The following RGS12 variants were observed in gnomAD, a reference collection of about 807,000 sequenced individuals.
RGS12 encodes regulator of G-protein signaling 12.
In RGS12, 66 loss-of-function variants were observed where a neutral mutation model predicts 120.1. The ratio of observed to expected loss-of-function variants is 0.55; its 90% CI spans 0.45 to 0.67. The LOEUF is 0.67. RGS12 is among the 30% of genes least tolerant of loss of function. The pLI is 0.00. For missense variants in RGS12, 1,859 were observed against 1,957.7 expected (o/e 0.95, Z 0.95); for synonymous variants, 827 against 804.7 (o/e 1.03, Z -0.47).
intron 6 of RGS12, 95 bp downstream of exon 6, chr4:3,414,939 C>T (rs1722183829): frequency 2.6e-6 from 2 of 764,280 alleles, no homozygotes; most frequent in Non-Finnish European, 4.2e-6. Flanking sequence ...GTGTGAGGGG[C>T]ATGTGAGGGG....
At chr4:3,382,192 T>A (rs975131816) in intron 3 of RGS12, among the ~76,000 whole-genome samples, 1 of 152,250 alleles carries the variant, frequency 6.6e-6, no homozygotes, top group African/African-American at 2.4e-5. Flanking sequence ...TACCATGATA[T>A]CATTTTGCAT....
intron 2 of RGS12, among the ~76,000 whole-genome samples, chr4:3,323,507 C>T (rs996889096): frequency 5.3e-5 from 8 of 152,310 alleles, no homozygotes; most frequent in African/African-American, 1.9e-4. Context: ...ATGTGACATA[C>T]TGCTGTGAGT....
chr4:3,405,013 A>G (rs1720959434), intron 4 of RGS12, among the ~76,000 whole-genome samples: 1 of 152,268 alleles, frequency 6.6e-6, no homozygotes, highest in South Asian at 2.1e-4. Context: ...CCAAAAAAGA[A>G]AGGTGTTCAT....
Position 3,422,945 on chromosome 4 carries a change from G to C in RGS12, c.3074G>C (p.Arg1025Thr). 2 of 1,613,350 alleles carry C rather than the reference G, an allele frequency of 1.2e-6. No individual in the cohort carries two copies. Among genetic ancestry groups the C allele is most frequent in the Non-Finnish European group, 1.7e-6 (2 of 1,179,986 alleles). ...CAAGACAGTAGCATCTTGGAGTCAA[G>C]GGACCTGCGCCTAGAAAAGCGCACC... ...LHQDSSILES[R>T]DLRLEKRTLF... Residue 1025 changes from arginine to threonine, a missense_variant, in exon 12 of 18, where the codon AGG becomes ACG. By Grantham distance (71) the Arg-to-Thr change is moderately conservative. This residue lies in a region of RGS12 where 375 missense variants were observed against 475.0 expected (regional missense o/e 0.79). Transcript: ENST00000336727.
chr4:3,339,318 C>CA (rs1299352557), intron 2 of RGS12, among the ~76,000 whole-genome samples: 1 of 152,110 alleles, frequency 6.6e-6, no homozygotes. Flanking sequence ...CCAGTCTCTA[C>CA]AAAAAATACA....
At chr4:3,422,637 T>G (rs932313329) in intron 11 of RGS12, 67 bp downstream of exon 11, 137 of 1,513,126 alleles carry the variant, frequency 9.1e-5, no homozygotes, top group Non-Finnish European at 1.2e-4. Context: ...GGCCCCCAGC[T>G]TTGTCAGAGT....
At position 3,422,964 on chromosome 4, in the gene RGS12, G is replaced by A. The variant is rs1029228397; in HGVS notation, c.3093G>A (p.Lys1031=). Residue 1031 remains lysine, a synonymous_variant, in exon 12 of 18, where the codon AAG becomes AAA. Transcript: ENST00000336727. ...ILESRDLRLE[K]RTLFRLDLVP... is the part of the protein sequence containing the mutation. ...AGTCAAGGGACCTGCGCCTAGAAAA[G>A]CGCACCTTGTTTCGGTAAGAGGAAG... 1.2e-6 allele frequency: 2 copies of A among 1,613,194 alleles called. No individual in the cohort carries two copies. Among genetic ancestry groups the A allele is most frequent in the South Asian group, 1.1e-5 (1 of 91,082 alleles).
Position 3,428,094 on chromosome 4 carries a change from C to T in RGS12, c.3336C>T (p.Ser1112=), listed in dbSNP as rs145782949. 8.2e-5 allele frequency: 133 copies of T among 1,613,008 alleles called. No individual in the cohort carries two copies. The African/African-American group carries it at 1.4e-3, about 17-fold the overall frequency. ...EEKDPSRGKA[S]ADKQKGVPVK... is the part of the protein sequence containing the mutation. ...ATAAAGCTTTCTTATGTTTAGCATC[C>T]GCAGATAAACAGAAAGGTGTGCCAG... Residue 1112 remains serine (S), a synonymous_variant, in exon 15 of 18, where the codon TCC becomes TCT. Transcript: ENST00000336727.
chr4:3,383,773 G>A (rs972191158), intron 3 of RGS12, among the ~76,000 whole-genome samples: 3 of 152,176 alleles, frequency 2.0e-5, no homozygotes, highest in Non-Finnish European at 2.9e-5. Flanking sequence ...CGTGCCCGCA[G>A]CCTGTGCCCA....
In RGS12 at chr4:3,317,155, G is replaced by A. The variant is rs1724829947; in HGVS notation, c.985G>A (p.Glu329Lys). 3 of 1,613,196 alleles carry A rather than the reference G, an allele frequency of 1.9e-6. No homozygotes were observed. Among genetic ancestry groups the A allele is most frequent in the Non-Finnish European group, 2.5e-6 (3 of 1,179,560 alleles). Residue 329 changes from glutamate (E) to lysine (K), a missense_variant, in exon 2 of 18, where the codon GAG (glutamate) becomes AAG (lysine). Transcript: ENST00000336727. ...TGACGACGGGAGCCTGGCCCAGGAG[G>A]AGGAGGGCGCCCTGCGGACTTCCTG... Reference protein sequence around the residue: ...TNDDGSLAQEEEGALRTSCHV... With the variant: ...TNDDGSLAQEKEGALRTSCHV...
intron 2 of RGS12, among the ~76,000 whole-genome samples, chr4:3,331,804 C>T (rs1483021593): frequency 6.6e-6 from 1 of 152,218 alleles, no homozygotes; most frequent in Non-Finnish European, 1.5e-5. Flanking sequence ...CGGAGTCCAC[C>T]CAGTCCTGGG....
At chr4:3,288,046 C>G (rs187867588), upstream of RGS12, among the ~76,000 whole-genome samples, 1 of 152,242 alleles carries the variant, frequency 6.6e-6, no homozygotes, top group Non-Finnish European at 1.5e-5. This position sits in a 1 kb window ranked among gnomAD's most constrained non-coding sequence, Gnocchi z 5.2. Flanking sequence ...ATGGCCGAGC[C>G]GTCGAGAGAC....
Position 3,343,023 on chromosome 4 carries a change from C to G in RGS12, c.1968C>G (p.Phe656Leu), listed in dbSNP as rs553627861. 3 of 1,611,970 alleles carry G rather than the reference C, an allele frequency of 1.9e-6. No homozygotes were observed. Among genetic ancestry groups the G allele is most frequent in the South Asian group, 1.1e-5 (1 of 91,034 alleles). The part of the protein sequence containing the change: ...ARRSFGRSKR[F>L]SITRSLDDLE... The stretch of plus-strand genomic sequence containing the variant: ...GATCATTTGGGAGATCCAAGAGATT[C>G]AGTATCACTCGCTCCCTTGATGATC... The change falls in exon 3 of 18, where the codon TTC becomes TTG. Residue 656 changes from phenylalanine (F) to leucine (L), a missense_variant. Phe to Leu is a conservative substitution (Grantham distance 22). Transcript: ENST00000336727.
intron 4 of RGS12, among the ~76,000 whole-genome samples, chr4:3,388,051 G>A (rs745864097): frequency 5.9e-5 from 9 of 152,106 alleles, no homozygotes; most frequent in Non-Finnish European, 1.2e-4. Context: ...CTGGCTCTGT[G>A]TGTCCCTCTG....
At chr4:3,305,992 G>A (rs1039840884) in intron 1 of RGS12, among the ~76,000 whole-genome samples, 4 of 152,188 alleles carry the variant, frequency 2.6e-5, no homozygotes, top group African/African-American at 7.2e-5. Context: ...AACTTTATGG[G>A]CCTCCTGGGA....
Position 3,316,948 on chromosome 4 carries a change from C to T in RGS12, c.778C>T (p.Arg260Trp), listed in dbSNP as rs200864918. 9.9e-6 allele frequency: 16 copies of T among 1,613,916 alleles called. No homozygotes were observed. The highest frequency in any genetic ancestry group is 1.7e-4 in the Middle Eastern group (1 of 6,058). ...CTTGCAAGCCATCCGCGGCTGCATG[C>T]GGCGCCTGCGGGCAGAGCAGAAAAT... ...DSLQAIRGCM[R>W]RLRAEQKIHS... Residue 260 changes from arginine (R) to tryptophan (W), a missense_variant, in exon 2 of 18, where the codon CGG (arginine) becomes TGG (tryptophan). Physicochemically the swap from Arg to Trp is moderately radical, Grantham distance 101 (BLOSUM62 -3). This residue lies in a region of RGS12 where 967 missense variants were observed against 994.2 expected (regional missense o/e 0.97). Coordinates refer to ENST00000336727, the MANE Select transcript of RGS12 (RefSeq NM_001394154.1).
In RGS12 at chr4:3,317,629, G is replaced by A. The variant is rs1441954260; in HGVS notation, c.1459G>A (p.Glu487Lys). Residue 487 changes from glutamate (E) to lysine (K), a missense_variant, in exon 2 of 18, where the codon GAG (glutamate) becomes AAG (lysine). Transcript: ENST00000336727. ...CPDPEGSPPF[E>K]AAHQTDRFWD... is the part of the protein sequence containing the mutation. ...GGACCCCGAAGGGAGCCCCCCATTT[G>A]AGGCCGCTCATCAGACTGACAGGTT... The A allele has an allele frequency of 1.3e-6, 2 of 1,588,722 alleles. No homozygotes were observed. The highest frequency in any genetic ancestry group is 1.1e-5 in the South Asian group (1 of 88,182).
rs749325824 is a variant in RGS12 at position 3,425,579 on chromosome 4, G to A, written c.3331+19G>A. On this transcript the variant is annotated intron_variant, in intron 14 of 17. Coordinates refer to ENST00000336727, the MANE Select transcript of RGS12 (RefSeq NM_001394154.1). ...GGAAAGGGTGAGTAGGGCTGGTGCA[G>A]CGGATGGGGAGAGGGTGAGTGGGTC... The A allele has an allele frequency of 6.3e-7, 1 of 1,596,306 alleles. No individual in the cohort carries two copies. The highest frequency in any genetic ancestry group is 8.6e-7 in the Non-Finnish European group (1 of 1,169,288).
chr4:3,414,865 T>A, intron 6 of RGS12, 21 bp downstream of exon 6: 1 of 1,568,832 alleles, frequency 6.4e-7, no homozygotes, highest in Non-Finnish European at 8.8e-7. Flanking sequence ...GCTTGGGAAG[T>A]GGGGGCTGTG....
Sources: allele counts gnomAD v4.1 joint callset (sites outside exome capture counted in the v4.1 genomes callset), GRCh38; gene constraint gnomAD v4.1.1; regional missense constraint gnomAD v4.1.1; non-coding constraint Gnocchi (gnomAD v3.1); transcripts MANE v1.5; gene names NCBI Gene and HGNC (gene_info 2026-07-23, HGNC 2026-07-21).